Variants in LPP observed in about 807,000 individuals in gnomAD.
LPP encodes LIM domain containing preferred translocation partner in lipoma.
Under a neutral mutation model 60.4 loss-of-function variants are expected in LPP, and 38 were observed. That is an observed-to-expected ratio of 0.63 (90% confidence interval 0.49 to 0.83). The LOEUF is 0.83. LPP is among the 40% of genes least tolerant of loss of function. The pLI is 0.00. For missense variants in LPP, 902 were observed against 783.6 expected, an observed-to-expected ratio of 1.15 and a Z score of -1.80; for synonymous variants, 328 against 290.8, an observed-to-expected ratio of 1.13 and a Z score of -1.30.
At chr3:188,386,302 A>G (rs1195301508) in intron 3 of LPP, among the ~76,000 whole-genome samples, 1 of 151,576 alleles carries the variant, frequency 6.6e-6, no homozygotes, top group Admixed American at 6.6e-5. Context: ...ACACACACAC[A>G]CACACATAAT....
intron 9 of LPP, among the ~76,000 whole-genome samples, chr3:188,821,609 G>GC (rs1180936725): frequency 6.6e-6 from 1 of 151,614 alleles, no homozygotes; most frequent in Non-Finnish European, 1.5e-5. Flanking sequence ...TAATATATGT[G>GC]CATATATAGT....
chr3:188,255,894 A>G (rs982423052), intron 2 of LPP, among the ~76,000 whole-genome samples: 1 of 152,232 alleles, frequency 6.6e-6, no homozygotes, highest in African/African-American at 2.4e-5. Context: ...GAAATTTTGC[A>G]GGATAATCAT....
intron 7 of LPP, among the ~76,000 whole-genome samples, chr3:188,615,417 C>A (rs1844655176): frequency 6.6e-6 from 1 of 152,178 alleles, no homozygotes; most frequent in Non-Finnish European, 1.5e-5. Flanking sequence ...ATTTCACCCT[C>A]TCTTTTAGAT....
At chr3:188,467,868 T>G (rs553642796) in intron 4 of LPP, among the ~76,000 whole-genome samples, 16 of 152,280 alleles carry the variant, frequency 1.1e-4, no homozygotes, top group African/African-American at 3.8e-4. Context: ...TTTTAGTGCA[T>G]TGATATGCAT....
At chr3:188,800,269 G>A (rs1298188490) in intron 9 of LPP, among the ~76,000 whole-genome samples, 1 of 92,888 alleles carries the variant, frequency 1.1e-5, no homozygotes, top group Non-Finnish European at 2.1e-5. Flanking sequence ...TTTTTGAGAT[G>A]GAGTCTCGCT....
Position 188,768,708 on chromosome 3 carries a change from T to A in LPP, c.1410+8426T>A, listed in dbSNP as rs543567929. ...ATAATGACAAAGGTCCATGTACCTG[T>A]TATCCAATTTAAGAAATAAAACATT... On this transcript the variant is annotated intron_variant, in intron 9 of 11. Transcript: ENST00000617246. Among the ~76,000 whole-genome samples the A allele has an allele frequency of 2.6e-5, 4 of 152,340 alleles. No individual in the cohort carries two copies. In the South Asian group the frequency reaches 8.3e-4, roughly 32 times the overall value.
intron 7 of LPP, among the ~76,000 whole-genome samples, chr3:188,702,897 G>A (rs9836690): frequency 2.7e-4 from 41 of 152,280 alleles, no homozygotes; most frequent in Non-Finnish European, 5.0e-4. Context: ...TGGAGACAAT[G>A]ATATCAAAAC....
At chr3:188,627,840 T>G (rs1580508457) in intron 7 of LPP, among the ~76,000 whole-genome samples, 1 of 152,130 alleles carries the variant, frequency 6.6e-6, no homozygotes, top group Non-Finnish European at 1.5e-5. Context: ...TGACACATAC[T>G]CTAAGATTGA....
intron 1 of LPP, among the ~76,000 whole-genome samples, chr3:188,181,277 C>T (rs896898012): frequency 4.3e-4 from 65 of 150,166 alleles, no homozygotes; most frequent in African/African-American, 1.3e-3. Context: ...TGCTTGAATC[C>T]GGGAGGCAGA....
At chr3:188,854,131 C>T (rs1253854701) in intron 9 of LPP, among the ~76,000 whole-genome samples, 1 of 152,302 alleles carries the variant, frequency 6.6e-6, no homozygotes, top group African/African-American at 2.4e-5. Flanking sequence ...TAGTCCACCA[C>T]CCTTTTGCAA....
At position 188,654,532 on chromosome 3, in the gene LPP, T is replaced by G. The variant is rs1049664273; in HGVS notation, c.1113+44688T>G. On this transcript the variant is annotated intron_variant, in intron 7 of 11. Coordinates refer to ENST00000617246, the MANE Select transcript of LPP (RefSeq NM_001375462.1). ...AGACAATTAACTCTTTTTCTCTGTGTTGTGTGTGTGTGTGTGTGTATGCGT... is the reference window on the plus strand; with the variant it reads ...AGACAATTAACTCTTTTTCTCTGTGGTGTGTGTGTGTGTGTGTGTATGCGT... Among the ~76,000 whole-genome samples the G allele has an allele frequency of 2.0e-5, 3 of 150,610 alleles. No homozygotes were observed. In the South Asian group the frequency reaches 6.3e-4, roughly 31 times the overall value.
chr3:188,689,539 A>T (rs893449639), intron 7 of LPP, among the ~76,000 whole-genome samples: 2 of 152,194 alleles, frequency 1.3e-5, no homozygotes, highest in Admixed American at 6.5e-5. Flanking sequence ...TAGATTCCAC[A>T]CTTGAGTGAG....
At chr3:188,279,589 G>A (rs2149894409) in intron 2 of LPP, among the ~76,000 whole-genome samples, 1 of 152,330 alleles carries the variant, frequency 6.6e-6, no homozygotes, top group East Asian at 1.9e-4. Context: ...AAGTAAGATA[G>A]CGAGTGGAGC....
intron 8 of LPP, among the ~76,000 whole-genome samples, chr3:188,734,631 G>A (rs987865033): frequency 2.0e-5 from 3 of 152,204 alleles, no homozygotes; most frequent in Non-Finnish European, 2.9e-5. Flanking sequence ...GGGAGACATG[G>A]GAATGGATTA....
At chr3:188,484,378 A>G (rs1460013362) in intron 4 of LPP, among the ~76,000 whole-genome samples, 1 of 152,150 alleles carries the variant, frequency 6.6e-6, no homozygotes, top group East Asian at 1.9e-4. Flanking sequence ...TAGCTTTTAT[A>G]CCATTTCTAA....
chr3:188,772,470 G>T (rs973244615), intron 9 of LPP, among the ~76,000 whole-genome samples: 1 of 152,002 alleles, frequency 6.6e-6, no homozygotes, highest in Admixed American at 6.5e-5. Flanking sequence ...TGCGGGGTGC[G>T]GGGAGGTCAC....
At position 188,888,279 on chromosome 3, in the gene LPP, C is replaced by T; in HGVS notation, c.*13800C>T. 4.4e-6 allele frequency: 1 copy of T among 225,852 alleles called. No individual in the cohort carries two copies. The highest frequency in any genetic ancestry group is 8.8e-6 in the Non-Finnish European group (1 of 113,250). The allele number at this position is 225,852 out of a possible 1,614,324, so 14.0% of individuals were successfully genotyped here. On this transcript the variant is annotated 3_prime_UTR_variant, in exon 12 of 12. Coordinates refer to ENST00000617246, the MANE Select transcript of LPP (RefSeq NM_001375462.1). ...GAAAGGGAAAGGACTTTCTAAGTAG[C>T]AAATCTGTGCCATGAAGTAGATGTG...
At chr3:188,817,957 G>T (rs1752915917) in intron 9 of LPP, among the ~76,000 whole-genome samples, 1 of 152,126 alleles carries the variant, frequency 6.6e-6, no homozygotes, top group African/African-American at 2.4e-5. Flanking sequence ...TAGGAAAGTT[G>T]CAGGGATCAT....
chr3:188,274,869 T>C (rs1022075411), intron 2 of LPP, among the ~76,000 whole-genome samples: 1 of 152,212 alleles, frequency 6.6e-6, no homozygotes, highest in Non-Finnish European at 1.5e-5. Flanking sequence ...TTACCACGTA[T>C]TTTCCATTAT....
Sources: allele counts gnomAD v4.1 joint callset (sites outside exome capture counted in the v4.1 genomes callset), GRCh38; gene constraint gnomAD v4.1.1; transcripts MANE v1.5; gene names NCBI Gene and HGNC (gene_info 2026-07-23, HGNC 2026-07-21).